Variants in ADAMTS17 observed in about 807,000 individuals in gnomAD.
ADAMTS17 encodes the protein A disintegrin and metalloproteinase with thrombospondin motifs 17.
ADAMTS17 carries 113 observed loss-of-function variants against 141.5 expected under a neutral mutation model. The ratio of observed to expected loss-of-function variants is 0.80; its 90% CI spans 0.69 to 0.93. The LOEUF is 0.93. Ranked by LOEUF, ADAMTS17 falls within the 40% of genes least tolerant of loss-of-function variation. The probability of loss-of-function intolerance (pLI) is 0.00; values close to 1 mark genes in which losing one functional copy is unlikely to be tolerated. For missense variants in ADAMTS17, 1,659 were observed against 1,517.9 expected (o/e 1.09, Z -1.54); for synonymous variants, 768 against 630.6 (o/e 1.22, Z -3.27).
intron 12 of ADAMTS17, 132 bp downstream of exon 12, chr15:100,131,875 T>C (rs2038062461): frequency 1.4e-6 from 2 of 1,406,022 alleles, no homozygotes. Flanking sequence ...CCCTGGACCT[T>C]GGCTGGGTTT....
chr15:100,133,310 T>G lies in ADAMTS17; in HGVS notation c.1479A>C (p.Leu493=). Residue 493 remains leucine, a synonymous_variant, in exon 11 of 22, where the codon CTA becomes CTC. Coordinates refer to ENST00000268070, the MANE Select transcript of ADAMTS17 (RefSeq NM_139057.4). ...CCAGGCACCACAGTCCAGCACACAT[T>G]AGATGCTGCAGGACAAGGGAAGGAA... ...NATFCRNMEH[L]MCAGLWCLVE... is the part of the protein sequence containing the mutation. 6.3e-7 allele frequency: 1 copy of G among 1,583,828 alleles called. No homozygotes were observed. The highest frequency in any genetic ancestry group is 8.6e-7 in the Non-Finnish European group (1 of 1,162,152).
chr15:100,204,512 T>C (rs1437581309), intron 7 of ADAMTS17, among the ~76,000 whole-genome samples: 2 of 152,258 alleles, frequency 1.3e-5, no homozygotes, highest in African/African-American at 4.8e-5. Flanking sequence ...GGGTGTGATC[T>C]GAATGGCTGA....
At chr15:100,272,546 C>G (rs1300880034) in intron 4 of ADAMTS17, among the ~76,000 whole-genome samples, 1 of 142,056 alleles carries the variant, frequency 7.0e-6, no homozygotes, top group Non-Finnish European at 1.5e-5. Flanking sequence ...TACGTGGCTA[C>G]TTTGCAAAGA....
At chr15:100,312,171 T>A (rs1328368430) in intron 3 of ADAMTS17, among the ~76,000 whole-genome samples, 1 of 152,238 alleles carries the variant, frequency 6.6e-6, no homozygotes, top group Non-Finnish European at 1.5e-5. Context: ...GTGATCCAGC[T>A]AAGGTTTTGA....
At chr15:100,287,411 T>C (rs2044482389) in intron 3 of ADAMTS17, among the ~76,000 whole-genome samples, 1 of 152,136 alleles carries the variant, frequency 6.6e-6, no homozygotes, top group Non-Finnish European at 1.5e-5. Flanking sequence ...CGATCAGCCG[T>C]TGGCATCCTT....
chr15:100,016,610 C>T (rs141721843), intron 18 of ADAMTS17, among the ~76,000 whole-genome samples: 2,339 of 152,186 alleles, frequency 0.015, 54 homozygotes, highest in African/African-American at 0.051. Flanking sequence ...TCCTGTGAGC[C>T]GAACTGAAGT....
At chr15:100,157,941 T>G (rs1596135352) in intron 8 of ADAMTS17, among the ~76,000 whole-genome samples, 3 of 149,424 alleles carry the variant, frequency 2.0e-5, no homozygotes, top group Non-Finnish European at 4.4e-5. Flanking sequence ...CAGGCTGGAG[T>G]GCAGTGGCAG....
intron 7 of ADAMTS17, among the ~76,000 whole-genome samples, chr15:100,226,852 G>T (rs1596318277): frequency 6.6e-6 from 1 of 152,218 alleles, no homozygotes; most frequent in East Asian, 1.9e-4. Context: ...GGTAACAACA[G>T]CTATTAGGTT....
chr15:100,217,459 C>T (rs772021878), intron 7 of ADAMTS17, among the ~76,000 whole-genome samples: 10 of 151,940 alleles, frequency 6.6e-5, no homozygotes, highest in Non-Finnish European at 1.5e-4. Flanking sequence ...ATTAGGTGGG[C>T]GTGGTGGTGG....
Position 100,086,626 on chromosome 15 carries a change from C to T in ADAMTS17, c.2137+9730G>A, listed in dbSNP as rs944003868. On this transcript the variant is annotated intron_variant, in intron 15 of 21. Coordinates refer to ENST00000268070, the MANE Select transcript of ADAMTS17 (RefSeq NM_139057.4). The stretch of plus-strand genomic sequence containing the variant: ...GTACTCCTCAGCAAATGTAAAACAA[C>T]AGAAATTATAACAAATTGTTTCTCA... Among the ~76,000 whole-genome samples, 5 of 152,264 alleles carry T rather than the reference C, an allele frequency of 3.3e-5. No individual in the cohort carries two copies. In the East Asian group the frequency reaches 5.8e-4, roughly 18 times the overall value.
intron 1 of ADAMTS17, 137 bp from the exon 2 acceptor site, chr15:100,341,546 T>TG (rs2046367866): frequency 7.9e-6 from 7 of 889,078 alleles, no homozygotes; most frequent in Non-Finnish European, 9.6e-6. Flanking sequence ...GCCCGGCACC[T>TG]CCACGCTGGC....
At chr15:100,119,261 T>C (rs113604204) in intron 12 of ADAMTS17, among the ~76,000 whole-genome samples, 1,595 of 152,162 alleles carry the variant, frequency 0.01, 27 homozygotes, top group African/African-American at 0.036. Flanking sequence ...TGGGGGTCCT[T>C]TGTTATGGCA....
chr15:100,328,994 C>A (rs1377441479), intron 3 of ADAMTS17, among the ~76,000 whole-genome samples: 1 of 152,090 alleles, frequency 6.6e-6, no homozygotes, highest in Admixed American at 6.5e-5. Context: ...CAGTCCTTAG[C>A]GATGTGGTTT....
rs776889675 is a variant in ADAMTS17 at position 100,155,241 on chromosome 15, G to A, written c.1261C>T (p.Arg421Trp). 8.7e-6 allele frequency: 14 copies of A among 1,614,056 alleles called. No homozygotes were observed. Among genetic ancestry groups the A allele is most frequent in the African/African-American group, 4.0e-5 (3 of 74,908 alleles). Residue 421 changes from arginine (R) to tryptophan (W), a missense_variant, in exon 9 of 22, where the codon CGG becomes TGG. Arg to Trp is a moderately radical substitution (Grantham distance 101). Coordinates refer to ENST00000268070, the MANE Select transcript of ADAMTS17 (RefSeq NM_139057.4). ...HIMSGEWVKG[R>W]NPSDLSWSSC... ...GACCAAGAGAGGTCACTTGGGTTCC[G>A]GCCTTTCACCCACTCTCCTGACATG...
chr15:100,305,063 G>C (rs1045005628), intron 3 of ADAMTS17, among the ~76,000 whole-genome samples: 1 of 152,186 alleles, frequency 6.6e-6, no homozygotes, highest in East Asian at 1.9e-4. Context: ...CCTATAAGCA[G>C]TTAAGTTTCT....
intron 15 of ADAMTS17, among the ~76,000 whole-genome samples, chr15:100,073,811 G>T (rs2034166494): frequency 6.6e-6 from 1 of 151,132 alleles, no homozygotes; most frequent in Non-Finnish European, 1.5e-5. Context: ...TATACCTAAT[G>T]TTAAATAACG....
At chr15:100,245,642 G>C (rs367960116) in intron 7 of ADAMTS17, among the ~76,000 whole-genome samples, 1 of 152,204 alleles carries the variant, frequency 6.6e-6, no homozygotes, top group Non-Finnish European at 1.5e-5. Context: ...TTGGTCCCCT[G>C]GGGCAACTGG....
chr15:100,132,235 T>C, intron 11 of ADAMTS17, 83 bp from the exon 12 acceptor site: 1 of 1,541,140 alleles, frequency 6.5e-7, no homozygotes, highest in Non-Finnish European at 8.8e-7. Flanking sequence ...AATGCCGTGC[T>C]GCCAAAAACC....
At chr15:100,012,949 G>A (rs893416034) in intron 18 of ADAMTS17, among the ~76,000 whole-genome samples, 4 of 152,070 alleles carry the variant, frequency 2.6e-5, no homozygotes, top group Admixed American at 1.3e-4. Flanking sequence ...GATGGGAATT[G>A]CATTGAATTT....
Sources: gnomAD v4.1 joint callset for allele counts (sites outside exome capture counted in the v4.1 genomes callset) on GRCh38, gnomAD v4.1.1 for gene constraint, MANE v1.5 for transcripts, NCBI Gene and HGNC (gene_info 2026-07-23, HGNC 2026-07-21) for gene names.